Variants in KIRREL3 observed in about 807,000 individuals in gnomAD.
The protein encoded by KIRREL3 is kirre like nephrin family adhesion molecule 3, also known as kin of IRRE-like protein 3.
Under a neutral mutation model 89.7 loss-of-function variants are expected in KIRREL3, and 36 were observed. The ratio of observed to expected loss-of-function variants is 0.40; its 90% CI spans 0.31 to 0.53. The LOEUF is 0.53. Ranked by LOEUF, KIRREL3 falls within the 20% of genes least tolerant of loss-of-function variation. The pLI is 0.49. For missense variants in KIRREL3, 864 were observed against 1,056.6 expected, an observed-to-expected ratio of 0.82 and a Z score of 2.53; for synonymous variants, 445 against 441.4, an observed-to-expected ratio of 1.01 and a Z score of -0.10.
At chr11:126,533,781 T>G (rs1350908309) in intron 2 of KIRREL3, among the ~76,000 whole-genome samples, 1 of 152,168 alleles carries the variant, frequency 6.6e-6, no homozygotes, top group Admixed American at 6.5e-5. Context: ...CATTTTCCTA[T>G]CTGTGAAATG....
Position 126,857,936 on chromosome 11 carries a change from G to A in KIRREL3, c.55+142519C>T, listed in dbSNP as rs959408709. Among the ~76,000 whole-genome samples, 7 of 152,162 alleles carry A rather than the reference G, an allele frequency of 4.6e-5. 1 individual carries two copies. The South Asian group carries it at 1.0e-3, about 23-fold the overall frequency. Reference sequence around the variant, plus strand: ...ACACCTTGGGGAAATTCACTGTGTCGTGCCTCAGCCTTGCCCCAGACAGCC... The same window carrying A: ...ACACCTTGGGGAAATTCACTGTGTCATGCCTCAGCCTTGCCCCAGACAGCC... On this transcript the variant is annotated intron_variant, in intron 1 of 16. Transcript: ENST00000525144.
chr11:126,534,310 C>T (rs1959034981), intron 2 of KIRREL3, among the ~76,000 whole-genome samples: 1 of 152,190 alleles, frequency 6.6e-6, no homozygotes, highest in Non-Finnish European at 1.5e-5. Flanking sequence ...TGGCTTGGCT[C>T]CGCATCTGAC....
chr11:126,992,330 G>A (rs1273987230), intron 1 of KIRREL3: 6 of 152,198 alleles, frequency 3.9e-5, no homozygotes, highest in Admixed American at 3.3e-4. Context: ...CTGATGGCCT[G>A]AATTCCACCG....
intron 1 of KIRREL3, among the ~76,000 whole-genome samples, chr11:126,882,152 T>C (rs1945529622): frequency 6.6e-6 from 1 of 152,192 alleles, no homozygotes; most frequent in African/African-American, 2.4e-5. Flanking sequence ...CCTGCCCTCT[T>C]GACTTTCTCT....
At position 126,490,402 on chromosome 11, in the gene KIRREL3, T is replaced by C. The variant is rs529579669; in HGVS notation, c.434-16936A>G. Among the ~76,000 whole-genome samples the C allele has an allele frequency of 5.6e-4, 85 of 152,102 alleles. No individual in the cohort carries two copies. Among genetic ancestry groups the C allele is most frequent in the African/African-American group, 2.0e-3 (83 of 41,504 alleles). The stretch of plus-strand genomic sequence containing the variant: ...TGTCCGTGAGCCAGGTTATTGGAAA[T>C]AGACCATGTAGGCCTGTGTTCCACG... On this transcript the variant is annotated intron_variant, in intron 4 of 16. Coordinates refer to ENST00000525144, the MANE Select transcript of KIRREL3 (RefSeq NM_032531.4). The surrounding 1 kb of genome is among the most constrained non-coding windows in gnomAD (Gnocchi z 4.2).
At chr11:126,543,758 G>T (rs1938559141) in intron 2 of KIRREL3, among the ~76,000 whole-genome samples, 1 of 152,232 alleles carries the variant, frequency 6.6e-6, no homozygotes. Flanking sequence ...CAGGGCAAAA[G>T]TCGTTGGCAC....
chr11:126,665,490 G>A (rs1483861767), intron 1 of KIRREL3, among the ~76,000 whole-genome samples: 3 of 152,162 alleles, frequency 2.0e-5, no homozygotes, highest in African/African-American at 4.8e-5. Flanking sequence ...GGGGCCTTTG[G>A]GAGGTGATTA....
chr11:126,923,319 CCTTCTT>C (rs779408551), intron 1 of KIRREL3, among the ~76,000 whole-genome samples: 1 of 136,648 alleles, frequency 7.3e-6, no homozygotes, highest in Admixed American at 7.4e-5. Context: ...TCTCCTTCTT[CCTTCTT>C]CTTCTTCCTT....
chr11:126,472,447 C>CT lies in KIRREL3; in HGVS notation c.591+861dup, dbSNP rs113260182. Among the ~76,000 whole-genome samples the CT allele has an allele frequency of 2.0e-5, 3 of 152,244 alleles. No individual in the cohort carries two copies. In the South Asian group the frequency reaches 6.2e-4, roughly 32 times the overall value. ...GGGACAAGGGGTCTCCCTCAGGCCTCTTTTTTGTAAGGGCACTGATCCCAT... is the reference window on the plus strand; with the variant it reads ...GGGACAAGGGGTCTCCCTCAGGCCTCTTTTTTTGTAAGGGCACTGATCCCAT... On this transcript the variant is annotated intron_variant, in intron 5 of 16. Coordinates refer to ENST00000525144, the MANE Select transcript of KIRREL3 (RefSeq NM_032531.4).
intron 1 of KIRREL3, among the ~76,000 whole-genome samples, chr11:126,825,756 C>T (rs1005814345): frequency 6.6e-6 from 1 of 152,160 alleles, no homozygotes; most frequent in Non-Finnish European, 1.5e-5. Flanking sequence ...CACATTTAAT[C>T]CCCACAGCAA....
At position 126,898,157 on chromosome 11, in the gene KIRREL3, C is replaced by T. The variant is rs539071425; in HGVS notation, c.55+102298G>A. ...TCTCTGATGCCACAGTCGCCTATCT[C>T]GTGGACAGGTGGAAGTAAAGAGTTA... On this transcript the variant is annotated intron_variant, in intron 1 of 16. Transcript: ENST00000525144. The surrounding 1 kb of genome is among the most constrained non-coding windows in gnomAD (Gnocchi z 4.9). 2.6e-5 allele frequency among the ~76,000 whole-genome samples: 4 copies of T among 152,154 alleles called. No homozygotes were observed. The East Asian group carries it at 5.8e-4, about 22-fold the overall frequency.
chr11:126,694,019 A>G lies in KIRREL3; in HGVS notation c.56-131107T>C, dbSNP rs1337799988. 6.6e-6 allele frequency among the ~76,000 whole-genome samples: 1 copy of G among 152,214 alleles called. No individual in the cohort carries two copies. The highest frequency in any genetic ancestry group is 1.5e-5 in the Non-Finnish European group (1 of 68,038). On this transcript the variant is annotated intron_variant, in intron 1 of 16. Coordinates refer to ENST00000525144, the MANE Select transcript of KIRREL3 (RefSeq NM_032531.4). This position sits in a 1 kb window ranked among gnomAD's most constrained non-coding sequence, Gnocchi z 4.4. ...GGAAGGAGCTGGGGCCCAGGCAGCC[A>G]CAGGTTGAAGAGGCGGAGGGAAGCG... is the stretch of plus-strand genomic sequence containing the variant.
In KIRREL3 at chr11:126,763,699, T is replaced by C. The variant is rs1949733068; in HGVS notation, c.56-200787A>G. ...ATGACCTTCAATGAGTTCCCACGCT[T>C]TTGAGCCTTTGTTTTCTCACTTGTG... On this transcript the variant is annotated intron_variant, in intron 1 of 16. Coordinates refer to ENST00000525144, the MANE Select transcript of KIRREL3 (RefSeq NM_032531.4). The surrounding 1 kb of genome is among the most constrained non-coding windows in gnomAD (Gnocchi z 4.7). Among the ~76,000 whole-genome samples the C allele has an allele frequency of 6.6e-6, 1 of 152,170 alleles. No individual in the cohort carries two copies. Among genetic ancestry groups the C allele is most frequent in the Non-Finnish European group, 1.5e-5 (1 of 68,030 alleles).
Position 126,535,701 on chromosome 11 carries a change from A to T in KIRREL3, c.134-9014T>A, listed in dbSNP as rs1459310956. ...TATCAAGCACTTAAGATTTTGGTTG[A>T]GGGCTGGGCCCGGTGGCTCACGCCT... On this transcript the variant is annotated intron_variant, in intron 2 of 16. Transcript: ENST00000525144. The surrounding 1 kb of genome is among the most constrained non-coding windows in gnomAD (Gnocchi z 4.5). Among the ~76,000 whole-genome samples the T allele has an allele frequency of 6.6e-6, 1 of 152,088 alleles. No homozygotes were observed. The highest frequency in any genetic ancestry group is 2.4e-5 in the African/African-American group (1 of 41,426).
Position 126,656,266 on chromosome 11 carries a change from G to A in KIRREL3, c.56-93354C>T. 1 of 408,782 alleles carries A rather than the reference G, an allele frequency of 2.4e-6. No individual in the cohort carries two copies. 25.3% of individuals were successfully genotyped at this position (408,782 alleles called of 1,614,324 possible). On this transcript the variant is annotated intron_variant, in intron 1 of 16. Coordinates refer to ENST00000525144, the MANE Select transcript of KIRREL3 (RefSeq NM_032531.4). This position sits in a 1 kb window ranked among gnomAD's most constrained non-coding sequence, Gnocchi z 4.0. ...TTCATATCTGTGAGATATCAGGCTG[G>A]TTTCTTAACCATAACCTCCATGATT...
rs1943159879 is a variant in KIRREL3, at chr11:126,612,178, CT to C, written c.56-49267del. Among the ~76,000 whole-genome samples, 1 of 152,066 alleles carries C rather than the reference CT, an allele frequency of 6.6e-6. No individual in the cohort carries two copies. Among genetic ancestry groups the C allele is most frequent in the Non-Finnish European group, 1.5e-5 (1 of 67,998 alleles). On this transcript the variant is annotated intron_variant, in intron 1 of 16. Transcript: ENST00000525144. This position sits in a 1 kb window ranked among gnomAD's most constrained non-coding sequence, Gnocchi z 4.5. ...TCACTACAGTATTATATGAACACCC[CT>C]GGCATATAATAAGTGCTCCCTCAGA...
chr11:126,925,164 T>C (rs1325904093), intron 1 of KIRREL3, among the ~76,000 whole-genome samples: 3 of 149,394 alleles, frequency 2.0e-5, no homozygotes, highest in Non-Finnish European at 4.4e-5. Context: ...CTGGTGCACC[T>C]GCTCTGCTAT....
At position 126,744,566 on chromosome 11, in the gene KIRREL3, G is replaced by A. The variant is rs1254934355; in HGVS notation, c.56-181654C>T. On this transcript the variant is annotated intron_variant, in intron 1 of 16. Transcript: ENST00000525144. The surrounding 1 kb of genome is among the most constrained non-coding windows in gnomAD (Gnocchi z 4.7). ...CAGCAGAGACCTCAATTTTCAAAGT[G>A]TGTATCTGGAACAATACAGAACAGA... 6.6e-6 allele frequency among the ~76,000 whole-genome samples: 1 copy of A among 152,212 alleles called. No individual in the cohort carries two copies. Among genetic ancestry groups the A allele is most frequent in the Non-Finnish European group, 1.5e-5 (1 of 68,034 alleles).
chr11:126,436,702 G>T, intron 12 of KIRREL3, 109 bp downstream of exon 12: 28 of 1,164,238 alleles, frequency 2.4e-5, no homozygotes, highest in East Asian at 1.0e-4. Context: ...ACTGTGGCTT[G>T]TCCTTGGGCC....
Sources: gnomAD v4.1 joint callset for allele counts (sites outside exome capture counted in the v4.1 genomes callset) on GRCh38, gnomAD v4.1.1 for gene constraint, Gnocchi (gnomAD v3.1) non-coding constraint, MANE v1.5 for transcripts, NCBI Gene and HGNC (gene_info 2026-07-23, HGNC 2026-07-21) for gene names.